The following TBC1D1 variants were observed in gnomAD, a reference collection of about 807,000 sequenced individuals.
The protein encoded by TBC1D1 is TBC1 domain family member 1.
Under a neutral mutation model 125.6 loss-of-function variants are expected in TBC1D1, and 89 were observed. The observed-to-expected ratio is 0.71, with a 90% CI of 0.60 to 0.85. The LOEUF (loss-of-function observed/expected upper bound fraction) is 0.85. Among genes scored for constraint, TBC1D1 ranks in the 40% least tolerant of loss-of-function variants. The pLI, the probability that TBC1D1 is intolerant of heterozygous loss-of-function variation, is 0.00. For missense variants in TBC1D1, 1,377 were observed against 1,469.2 expected (o/e 0.94, Z 1.03); for synonymous variants, 565 against 564.1 (o/e 1.00, Z -0.02).
chr4:37,963,542 A>T (rs1212472749), intron 2 of TBC1D1, among the ~76,000 whole-genome samples: 1 of 152,132 alleles, frequency 6.6e-6, no homozygotes, highest in Non-Finnish European at 1.5e-5. Context: ...AACCCCAGCT[A>T]CTCACTGAGG....
At chr4:38,086,507 C>T (rs1757508139) in intron 12 of TBC1D1, among the ~76,000 whole-genome samples, 1 of 152,178 alleles carries the variant, frequency 6.6e-6, no homozygotes, top group Admixed American at 6.5e-5. Flanking sequence ...AGTGGATCAG[C>T]TTTTATTTAG....
chr4:38,047,911 C>T (rs1033415242), intron 10 of TBC1D1, among the ~76,000 whole-genome samples: 4 of 152,160 alleles, frequency 2.6e-5, no homozygotes, highest in African/African-American at 9.7e-5. Flanking sequence ...AGTGGGCTTT[C>T]CAGTAAGCCT....
At chr4:38,011,153 A>T (rs146608579) in intron 2 of TBC1D1, among the ~76,000 whole-genome samples, 1 of 152,102 alleles carries the variant, frequency 6.6e-6, no homozygotes, top group African/African-American at 2.4e-5. Flanking sequence ...GGAGTTCAAG[A>T]CCAGCCTGAC....
chr4:37,987,958 G>C (rs143864669), intron 2 of TBC1D1, among the ~76,000 whole-genome samples: 298 of 152,320 alleles, frequency 2.0e-3, no homozygotes, highest in African/African-American at 6.7e-3. Context: ...TCGGCCTATA[G>C]ATAGCACACT....
chr4:38,047,312 T>G (rs1749679300), intron 10 of TBC1D1, among the ~76,000 whole-genome samples: 1 of 152,108 alleles, frequency 6.6e-6, no homozygotes, highest in South Asian at 2.1e-4. Flanking sequence ...CTGGTTAAAG[T>G]GCAGATTCTG....
At chr4:37,998,216 CTG>C (rs1738241299) in intron 2 of TBC1D1, among the ~76,000 whole-genome samples, 1 of 152,154 alleles carries the variant, frequency 6.6e-6, no homozygotes, top group South Asian at 2.1e-4. Flanking sequence ...TGTATTCACT[CTG>C]GGTGTGAGGG....
chr4:38,080,110 G>A (rs1283997301), intron 12 of TBC1D1, among the ~76,000 whole-genome samples: 1 of 152,190 alleles, frequency 6.6e-6, no homozygotes, highest in Non-Finnish European at 1.5e-5. Flanking sequence ...CACATTTTGA[G>A]AACTTCTCCC....
chr4:38,080,092 G>A (rs1756294468), intron 12 of TBC1D1, among the ~76,000 whole-genome samples: 1 of 152,242 alleles, frequency 6.6e-6, no homozygotes, highest in Admixed American at 6.5e-5. Flanking sequence ...TGAAGCTCGT[G>A]TGGGGACCAC....
intron 2 of TBC1D1, among the ~76,000 whole-genome samples, chr4:37,934,132 G>A (rs1055770701): frequency 6.6e-6 from 1 of 152,230 alleles, no homozygotes; most frequent in Admixed American, 6.5e-5. Flanking sequence ...TAGTCATCCA[G>A]TGTGTTATGG....
intron 2 of TBC1D1, among the ~76,000 whole-genome samples, chr4:37,906,153 T>A (rs779154259): frequency 1.1e-4 from 16 of 146,630 alleles, no homozygotes; most frequent in African/African-American, 3.6e-4. Flanking sequence ...TCTTTTTCTT[T>A]TCCCCCCCGC....
intron 12 of TBC1D1, among the ~76,000 whole-genome samples, chr4:38,054,728 C>T (rs964067189): frequency 6.6e-6 from 1 of 152,150 alleles, no homozygotes; most frequent in African/African-American, 2.4e-5. Context: ...AATGAAAGGA[C>T]GTCAAGTACA....
At chr4:37,999,345 T>C (rs1738526279) in intron 2 of TBC1D1, among the ~76,000 whole-genome samples, 1 of 152,186 alleles carries the variant, frequency 6.6e-6, no homozygotes, top group Admixed American at 6.5e-5. Context: ...CCTACAACAC[T>C]TTGGTGTATT....
intron 12 of TBC1D1, among the ~76,000 whole-genome samples, chr4:38,086,873 G>A (rs938094514): frequency 6.6e-6 from 1 of 152,206 alleles, no homozygotes; most frequent in Non-Finnish European, 1.5e-5. Context: ...AAGATCCCCA[G>A]TGAGGCTTGT....
Position 38,089,961 on chromosome 4 carries a change from C to T in TBC1D1, c.2080C>T (p.Arg694Ter), listed in dbSNP as rs779750341. Reference sequence around the variant, plus strand: ...TTCAGAGCTGGGAGAGCTTCCCCCACGATCTCCTTTAGAACCAGTTTGTGA... The same window carrying T: ...TTCAGAGCTGGGAGAGCTTCCCCCATGATCTCCTTTAGAACCAGTTTGTGA... The change falls in exon 13 of 20, where the codon CGA becomes TGA. Residue 694 changes from arginine to a stop codon, truncating the protein, a stop_gained. Transcript: ENST00000261439. LOFTEE classifies it high-confidence loss of function. The T allele has an allele frequency of 2.5e-6, 4 of 1,598,206 alleles. No homozygotes were observed. Among genetic ancestry groups the T allele is most frequent in the Non-Finnish European group, 2.6e-6 (3 of 1,173,836 alleles).
intron 2 of TBC1D1, among the ~76,000 whole-genome samples, chr4:37,906,151 T>C (rs746273726): frequency 6.6e-6 from 1 of 150,834 alleles, no homozygotes; most frequent in Non-Finnish European, 1.5e-5. Context: ...CTTCTTTTTC[T>C]TTTCCCCCCC....
At position 38,035,619 on chromosome 4, in the gene TBC1D1, A is replaced by G; in HGVS notation, c.1334A>G (p.Asn445Ser). ...AGACCGAGAAATGAGCAGCGAGAGA[A>G]TGAATTGATTATTTCTTTTCTGAGA... The change falls in exon 8 of 20, where the codon AAT becomes AGT. Residue 445 changes from asparagine to serine, a missense_variant. Physicochemically the swap from Asn to Ser is conservative, Grantham distance 46. Transcript: ENST00000261439. The G allele has an allele frequency of 6.2e-7, 1 of 1,613,986 alleles. No homozygotes were observed. The highest frequency in any genetic ancestry group is 8.5e-7 in the Non-Finnish European group (1 of 1,179,920).
Position 37,995,717 on chromosome 4 carries a change from TG to T in TBC1D1, c.418-18790del. The T allele has an allele frequency of 1.9e-6, 1 of 526,414 alleles. No individual in the cohort carries two copies. The highest frequency in any genetic ancestry group is 3.8e-6 in the Non-Finnish European group (1 of 262,892). 32.6% of individuals were successfully genotyped at this position (526,414 alleles called of 1,614,324 possible). ...GCATCCCCGTGTTCTGAGAAGTATT[TG>T]GAAATGGTTGTCTGGACGGCTTGCA... is the stretch of plus-strand genomic sequence containing the variant. On this transcript the variant is annotated intron_variant, in intron 2 of 19. Coordinates refer to ENST00000261439, the MANE Select transcript of TBC1D1 (RefSeq NM_015173.4). The surrounding 1 kb of genome is among the most constrained non-coding windows in gnomAD (Gnocchi z 4.3).
intron 15 of TBC1D1, among the ~76,000 whole-genome samples, chr4:38,113,506 A>G (rs895753344): frequency 1.3e-5 from 2 of 152,242 alleles, no homozygotes; most frequent in Non-Finnish European, 2.9e-5. Flanking sequence ...AATTCAGAAT[A>G]ACTAAACCTT....
chr4:38,115,734 A>G lies in TBC1D1; in HGVS notation c.2582A>G (p.Tyr861Cys). The stretch of plus-strand genomic sequence containing the variant: ...GGGCGAACCTTTCCTACACACCCAT[A>G]CTTCTCTGCCCAGCTTGGAGCAGGA... Residue 861 changes from tyrosine (Y) to cysteine (C), a missense_variant, in exon 16 of 20, where the codon TAC becomes TGC. Around this residue, in one of 3 missense-constraint regions of TBC1D1, gnomAD observed 543 missense variants for 613.5 expected, o/e 0.89. Coordinates refer to ENST00000261439, the MANE Select transcript of TBC1D1 (RefSeq NM_015173.4). 4 of 1,614,062 alleles carry G rather than the reference A, an allele frequency of 2.5e-6. No individual in the cohort carries two copies. Among genetic ancestry groups the G allele is most frequent in the Non-Finnish European group, 3.4e-6 (4 of 1,179,972 alleles).
Sources: gnomAD v4.1 joint callset for allele counts (sites outside exome capture counted in the v4.1 genomes callset) on GRCh38, gnomAD v4.1.1 for gene constraint, gnomAD v4.1.1 regional missense constraint, Gnocchi (gnomAD v3.1) non-coding constraint, MANE v1.5 for transcripts, NCBI Gene and HGNC (gene_info 2026-07-23, HGNC 2026-07-21) for gene names.